AXDND1: variants seen among roughly 807,000 people sequenced by gnomAD.
The protein encoded by AXDND1 is axonemal dynein light chain domain-containing protein 1.
A neutral mutation model predicts 137.5 loss-of-function variants in AXDND1; 110 were observed. The observed-to-expected ratio is 0.80, with a 90% CI of 0.69 to 0.94. The LOEUF is 0.94. Ranked by LOEUF, AXDND1 falls within the 40% of genes least tolerant of loss-of-function variation. The pLI is 0.00. For synonymous variants in AXDND1, 414 were observed against 399.7 expected (o/e 1.04, Z -0.43); for missense variants, 1,191 against 1,169.8 (o/e 1.02, Z -0.26).
chr1:179,401,040 G>C (rs1316121211), intron 11 of AXDND1, among the ~76,000 whole-genome samples: 1 of 151,426 alleles, frequency 6.6e-6, no homozygotes, highest in Non-Finnish European at 1.5e-5. Context: ...GGGTGGATCA[G>C]CTGAGGTCGG....
intron 11 of AXDND1, among the ~76,000 whole-genome samples, chr1:179,401,473 G>A (rs537518376): frequency 6.6e-6 from 1 of 152,202 alleles, no homozygotes; most frequent in African/African-American, 2.4e-5. Context: ...TGATTGAAGA[G>A]TGATTGAATT....
chr1:179,455,179 G>A (rs1490098599), intron 16 of AXDND1: 1 of 151,492 alleles, frequency 6.6e-6, no homozygotes, highest in Non-Finnish European at 1.5e-5. Context: ...GGAGGCTGAG[G>A]CGGGAGAATC....
chr1:179,433,533 A>G lies in AXDND1; in HGVS notation c.1563+1191A>G, dbSNP rs144185656. Among the ~76,000 whole-genome samples, 627 of 152,260 alleles carry G rather than the reference A, an allele frequency of 4.1e-3. 1 individual carries two copies. Among genetic ancestry groups the G allele is most frequent in the Middle Eastern group, 0.01 (3 of 294 alleles). ...TAAATTTCCATCTTAACGCTGCTTT[A>G]GCTGTGTCCCAGACATTCTGGTGTG... On this transcript the variant is annotated intron_variant, in intron 15 of 25. Transcript: ENST00000367618.
chr1:179,479,865 CAG>C (rs1416648719), intron 17 of AXDND1, among the ~76,000 whole-genome samples: 4 of 152,228 alleles, frequency 2.6e-5, no homozygotes, highest in Non-Finnish European at 4.4e-5. Context: ...ATCTCTAAGA[CAG>C]GGGCAAAATG....
At chr1:179,418,985 C>T (rs956465519) in intron 12 of AXDND1, among the ~76,000 whole-genome samples, 26 of 150,922 alleles carry the variant, frequency 1.7e-4, no homozygotes, top group East Asian at 9.9e-4. Context: ...GACGAGGCGG[C>T]GGGGCAGAGG....
At chr1:179,444,227 G>A in intron 15 of AXDND1, among the ~76,000 whole-genome samples, 1 of 152,060 alleles carries the variant, frequency 6.6e-6, no homozygotes, top group South Asian at 2.1e-4. Flanking sequence ...ACTCTTCATG[G>A]CTGCCCTATG....
Position 179,379,502 on chromosome 1 carries a change from A to G in AXDND1, c.581+20A>G. The G allele has an allele frequency of 6.3e-7, 1 of 1,596,774 alleles. No individual in the cohort carries two copies. On this transcript the variant is annotated intron_variant, in intron 6 of 25. Transcript: ENST00000367618. ...TGATGAGTGAGTACTATGATATGTA[A>G]AAAATACCTGCCCCAGCTCGGTGGC...
At chr1:179,432,237 T>C in intron 14 of AXDND1, 30 bp from the exon 15 acceptor site, 1 of 1,500,236 alleles carries the variant, frequency 6.7e-7, no homozygotes, top group Non-Finnish European at 8.9e-7. Context: ...TGTTCTGAGA[T>C]GTTTCTCTTT....
At chr1:179,380,599 G>A (rs1372447098) in intron 6 of AXDND1, among the ~76,000 whole-genome samples, 1 of 152,112 alleles carries the variant, frequency 6.6e-6, no homozygotes, top group Middle Eastern at 3.2e-3. Context: ...AACAACACTT[G>A]AATGTTTTAT....
chr1:179,506,373 C>T (rs1668537111), intron 20 of AXDND1, among the ~76,000 whole-genome samples: 1 of 152,116 alleles, frequency 6.6e-6, no homozygotes, highest in Non-Finnish European at 1.5e-5. Context: ...AAATAAATAC[C>T]TACCATAATG....
intron 12 of AXDND1, among the ~76,000 whole-genome samples, chr1:179,418,427 C>G (rs941715518): frequency 2.0e-5 from 3 of 152,258 alleles, no homozygotes; most frequent in African/African-American, 7.2e-5. Context: ...ATTTCTCAAT[C>G]TTTTCCCCAC....
chr1:179,527,450 A>G (rs1283457280), intron 22 of AXDND1, among the ~76,000 whole-genome samples: 3 of 152,112 alleles, frequency 2.0e-5, no homozygotes, highest in Non-Finnish European at 2.9e-5. Flanking sequence ...TTTTAGCCTC[A>G]TTGTACCCAG....
intron 22 of AXDND1, 63 bp from the exon 23 acceptor site, chr1:179,528,264 C>A: frequency 8.5e-7 from 1 of 1,170,906 alleles, no homozygotes; most frequent in Non-Finnish European, 1.3e-6. Context: ...TGCTACCGTG[C>A]CAGGAAACTT....
At chr1:179,393,796 C>A in intron 9 of AXDND1, 107 bp from the exon 10 acceptor site, 2 of 824,614 alleles carry the variant, frequency 2.4e-6, no homozygotes, top group East Asian at 3.1e-5. Context: ...GCTTGGTTTT[C>A]TTGGTGTATA....
intron 14 of AXDND1, 58 bp from the exon 15 acceptor site, chr1:179,432,209 A>G: frequency 6.8e-7 from 1 of 1,471,240 alleles, no homozygotes. Flanking sequence ...GTGTGAACTG[A>G]TGATCTTGTT....
At chr1:179,533,719 C>A in intron 23 of AXDND1, 76 bp from the exon 24 acceptor site, 2 of 1,157,040 alleles carry the variant, frequency 1.7e-6, no homozygotes, top group Non-Finnish European at 2.5e-6. Flanking sequence ...AAGGTTTGAT[C>A]CAGAACATCC....
intron 25 of AXDND1, among the ~76,000 whole-genome samples, chr1:179,549,331 T>G (rs1672969883): frequency 6.6e-6 from 1 of 152,180 alleles, no homozygotes. Context: ...TATGATTTCC[T>G]TCTTATCAAG....
chr1:179,531,675 T>C (rs570970450), intron 23 of AXDND1, among the ~76,000 whole-genome samples: 1 of 152,262 alleles, frequency 6.6e-6, no homozygotes, highest in African/African-American at 2.4e-5. Context: ...CCAGTCCAAC[T>C]AGGGGTCCAG....
At chr1:179,427,348 T>A (rs1280516191) in intron 12 of AXDND1, among the ~76,000 whole-genome samples, 1 of 148,694 alleles carries the variant, frequency 6.7e-6, no homozygotes, top group Non-Finnish European at 1.5e-5. Flanking sequence ...TCTATATTGT[T>A]TGACTTTGTT....
Sources: allele counts gnomAD v4.1 joint callset (sites outside exome capture counted in the v4.1 genomes callset), GRCh38; gene constraint gnomAD v4.1.1; transcripts MANE v1.5; gene names NCBI Gene and HGNC (gene_info 2026-07-23, HGNC 2026-07-21).